CPEB1: variants seen among roughly 807,000 people sequenced by gnomAD.
CPEB1 encodes cytoplasmic polyadenylation element-binding protein 1.
Under a neutral mutation model 65.8 loss-of-function variants are expected in CPEB1, and 7 were observed. The observed-to-expected ratio is 0.11, with a 90% CI of 0.06 to 0.20. The LOEUF is 0.20. Among genes scored for constraint, CPEB1 ranks in the 10% least tolerant of loss-of-function variants. CPEB1 has a pLI of 1.00. For synonymous variants in CPEB1, 262 were observed against 260.0 expected (o/e 1.01, Z -0.08); for missense variants, 551 against 712.2 (o/e 0.77, Z 2.58).
chr15:82,632,486 C>T (rs1400746715), intron 1 of CPEB1, among the ~76,000 whole-genome samples: 1 of 151,882 alleles, frequency 6.6e-6, no homozygotes, highest in Non-Finnish European at 1.5e-5. Context: ...TAGGGCTGCT[C>T]GACATGTGTA....
chr15:82,647,613 C>G, upstream of CPEB1: 1 of 332,276 alleles, frequency 3.0e-6, no homozygotes, highest in Middle Eastern at 8.1e-4. Context: ...CCGGCCGCCC[C>G]CGCAGGGCTG....
At position 82,547,253 on chromosome 15, in the gene CPEB1, CA is replaced by C. The variant is rs35309965; in HGVS notation, c.1481-17del. On this transcript the variant is annotated splice_polypyrimidine_tract_variant and intron_variant, in intron 10 of 12. Transcript: ENST00000684509. ...CGACCAGAACCTAGGACAACAGACA[CA>C]AGCTTCCCTTCTAACCAAATTCTCC... The C allele has an allele frequency of 9.6e-4, 1,273 of 1,330,278 alleles. 9 individuals carry two copies. In the African/African-American group the frequency reaches 0.016, roughly 17 times the overall value. The allele number at this position is 1,330,278 out of a possible 1,614,324, so 82.4% of individuals were successfully genotyped here.
chr15:82,601,697 A>T (rs956180842), intron 3 of CPEB1, among the ~76,000 whole-genome samples: 5 of 152,248 alleles, frequency 3.3e-5, no homozygotes, highest in Non-Finnish European at 7.3e-5. Flanking sequence ...ATGAGAAAAG[A>T]TATGCCATTC....
chr15:82,562,273 C>G (rs754388604), intron 4 of CPEB1: 1 of 449,044 alleles, frequency 2.2e-6, no homozygotes, highest in South Asian at 1.6e-5. Flanking sequence ...TCTTCCCTAC[C>G]AGAAGTCCCT....
intron 2 of CPEB1, chr15:82,628,086 T>A: frequency 6.2e-6 from 4 of 642,188 alleles, no homozygotes; most frequent in Non-Finnish European, 1.1e-5. Flanking sequence ...GTTAATGCTG[T>A]GGAAGAGAAC....
intron 1 of CPEB1, 120 bp from the exon 2 acceptor site, chr15:82,628,676 C>G (rs1020993819): frequency 3.7e-6 from 2 of 542,704 alleles, no homozygotes; most frequent in Non-Finnish European, 6.5e-6. Context: ...CCTGCTTCTC[C>G]TTACATCCGC....
At chr15:82,602,677 C>T (rs111922042) in intron 3 of CPEB1, among the ~76,000 whole-genome samples, 3,937 of 152,196 alleles carry the variant, frequency 0.026, 112 homozygotes, top group Admixed American at 0.086. Flanking sequence ...GAAAACCCGT[C>T]TCTACTAAAA....
At chr15:82,636,121 AACC>A (rs1247059955) in intron 1 of CPEB1, among the ~76,000 whole-genome samples, 8 of 152,096 alleles carry the variant, frequency 5.3e-5, no homozygotes, top group Non-Finnish European at 1.2e-4. Context: ...CACCTTAAAA[AACC>A]ACCACACCTT....
chr15:82,595,025 G>A (rs139908197), intron 3 of CPEB1, among the ~76,000 whole-genome samples: 2,689 of 152,290 alleles, frequency 0.018, 30 homozygotes, highest in Non-Finnish European at 0.026. Flanking sequence ...AATATTGGAA[G>A]AATTACCAGA....
chr15:82,626,002 C>T (rs941123643), intron 3 of CPEB1, among the ~76,000 whole-genome samples: 1 of 151,636 alleles, frequency 6.6e-6, no homozygotes, highest in African/African-American at 2.4e-5. Context: ...TGCCTGTAAT[C>T]CCAGCTACTT....
intron 3 of CPEB1, among the ~76,000 whole-genome samples, chr15:82,612,517 A>C (rs1161234936): frequency 1.3e-5 from 2 of 151,548 alleles, no homozygotes; most frequent in Non-Finnish European, 2.9e-5. Context: ...AACAAAAAAA[A>C]AAACACAGAA....
rs145282311 is a variant in CPEB1 at position 82,593,719 on chromosome 15, G to T, written c.272-22187C>A. Among the ~76,000 whole-genome samples, 252 of 152,284 alleles carry T rather than the reference G, an allele frequency of 1.7e-3. 1 individual carries two copies. Among genetic ancestry groups the T allele is most frequent in the African/African-American group, 5.8e-3 (241 of 41,558 alleles). ...AATGGCAGCTCTAGCCTTATGAAAT[G>T]TATTTCTTAAATAATAAGACTTGAA... On this transcript the variant is annotated intron_variant, in intron 3 of 12. Transcript: ENST00000684509.
At chr15:82,604,179 TTGCTACAAAAAACAAAA>T (rs2043356658) in intron 3 of CPEB1, among the ~76,000 whole-genome samples, 1 of 152,026 alleles carries the variant, frequency 6.6e-6, no homozygotes, top group Non-Finnish European at 1.5e-5. Context: ...CAAGGCTCCA[TTGCTACAAAAAACAAAA>T]CAACGGGCCA....
In CPEB1 at chr15:82,552,589, T is replaced by TCTA; in HGVS notation, c.1169_1171dup (p.Leu390_Glu391insVal). 1.2e-6 allele frequency: 2 copies of TCTA among 1,614,098 alleles called. No individual in the cohort carries two copies. The highest frequency in any genetic ancestry group is 1.7e-6 in the Non-Finnish European group (2 of 1,179,988). On this transcript the variant is annotated inframe_insertion, in exon 9 of 13. Coordinates refer to ENST00000684509, the MANE Select transcript of CPEB1 (RefSeq NM_001365242.1). ...CTGAAGCAAGGATCGGACAGACTTCTCTAGTTCGAAGACCAGATACACATA... is the reference window on the plus strand; with the variant it reads ...CTGAAGCAAGGATCGGACAGACTTCTCTACTAGTTCGAAGACCAGATACACATA...
intron 3 of CPEB1, among the ~76,000 whole-genome samples, chr15:82,611,846 CAG>C (rs1349823017): frequency 6.7e-6 from 1 of 149,926 alleles, no homozygotes; most frequent in Non-Finnish European, 1.5e-5. Context: ...AAATGTATAA[CAG>C]AATCGGGGGA....
At chr15:82,547,289 C>CT (rs71156035) in intron 10 of CPEB1, 52 bp from the exon 11 acceptor site, 48,764 of 383,964 alleles carry the variant, frequency 0.13, 1,826 homozygotes, top group African/African-American at 0.17. Context: ...CCAAATGCTA[C>CT]TTTTTTTTTT....
intron 3 of CPEB1, among the ~76,000 whole-genome samples, chr15:82,578,097 G>A (rs1011401824): frequency 4.6e-5 from 7 of 152,054 alleles, no homozygotes; most frequent in Non-Finnish European, 8.8e-5. Flanking sequence ...CCGAGATCGT[G>A]CCACTGCACT....
chr15:82,607,922 T>C (rs2043777032), intron 3 of CPEB1, among the ~76,000 whole-genome samples: 1 of 152,214 alleles, frequency 6.6e-6, no homozygotes, highest in Non-Finnish European at 1.5e-5. Flanking sequence ...TCAGCAATGA[T>C]GGACAGAAAC....
At chr15:82,639,747 G>A (rs1398444218) in intron 1 of CPEB1, among the ~76,000 whole-genome samples, 1 of 151,994 alleles carries the variant, frequency 6.6e-6, no homozygotes, top group Non-Finnish European at 1.5e-5. Flanking sequence ...CAAACAATAT[G>A]GTTTATGCTG....
Sources: allele counts gnomAD v4.1 joint callset (sites outside exome capture counted in the v4.1 genomes callset), GRCh38; gene constraint gnomAD v4.1.1; transcripts MANE v1.5; gene names NCBI Gene and HGNC (gene_info 2026-07-23, HGNC 2026-07-21).